The following RUNX3 variants were observed in gnomAD, a reference collection of about 807,000 sequenced individuals.
The protein encoded by RUNX3 is runt-related transcription factor 3.
A neutral mutation model predicts 27.7 loss-of-function variants in RUNX3; 10 were observed. The ratio of observed to expected loss-of-function variants is 0.36; its 90% CI spans 0.22 to 0.61. RUNX3 has a LOEUF of 0.61. RUNX3 is among the 20% of genes least tolerant of loss of function. RUNX3 has a pLI of 0.72. For missense variants in RUNX3, 469 were observed against 629.5 expected (o/e 0.75, Z 2.73); for synonymous variants, 270 against 269.2 (o/e 1.00, Z -0.03).
intron 2 of RUNX3, among the ~76,000 whole-genome samples, chr1:24,964,307 A>G (rs993454428): frequency 6.6e-6 from 1 of 152,158 alleles, no homozygotes; most frequent in African/African-American, 2.4e-5. Flanking sequence ...TGTCCCCACC[A>G]GCGGAGGATG....
At chr1:24,908,896 G>A (rs1411585956) in intron 3 of RUNX3, among the ~76,000 whole-genome samples, 3 of 152,206 alleles carry the variant, frequency 2.0e-5, no homozygotes, top group Non-Finnish European at 4.4e-5. Flanking sequence ...TTCTCTCTGG[G>A]CCTCAGGCAG....
At chr1:24,937,496 A>G (rs1641375067) in intron 2 of RUNX3, among the ~76,000 whole-genome samples, 1 of 152,212 alleles carries the variant, frequency 6.6e-6, no homozygotes, top group Admixed American at 6.5e-5. Flanking sequence ...ATCACCTGAG[A>G]TGAACTTCAG....
rs980988921 is a variant in RUNX3 at position 24,900,305 on chromosome 1, G to C, written c.*1817C>G. ...GAAGGACTGCCTAACCTGCCAGTGTGTCTCTGGTGTATGGTTCTGGCCGTT... is the reference window on the plus strand; with the variant it reads ...GAAGGACTGCCTAACCTGCCAGTGTCTCTCTGGTGTATGGTTCTGGCCGTT... On this transcript the variant is annotated 3_prime_UTR_variant, in exon 5 of 5. Coordinates refer to ENST00000308873, the MANE Select transcript of RUNX3 (RefSeq NM_004350.3). 1.3e-5 allele frequency: 2 copies of C among 152,414 alleles called. No individual in the cohort carries two copies. The highest frequency in any genetic ancestry group is 4.8e-5 in the African/African-American group (2 of 41,470). 9.4% of individuals were successfully genotyped at this position (152,414 alleles called of 1,614,324 possible). A position where few individuals can be genotyped will look rare whatever the true frequency, so the allele number is the denominator to read the frequency against.
At position 24,923,414 on chromosome 1, in the gene RUNX3, C is replaced by T. The variant is rs975433339; in HGVS notation, c.440-4070G>A. ...AAACCCATCCATCCCTCTCTCTCAG[C>T]CTCTAGATATAACTCTGTGCAGGAG... On this transcript the variant is annotated intron_variant, in intron 2 of 4. Coordinates refer to ENST00000308873, the MANE Select transcript of RUNX3 (RefSeq NM_004350.3). This position sits in a 1 kb window ranked among gnomAD's most constrained non-coding sequence, Gnocchi z 5.9. 6.6e-6 allele frequency among the ~76,000 whole-genome samples: 1 copy of T among 152,152 alleles called. No individual in the cohort carries two copies. Among genetic ancestry groups the T allele is most frequent in the Non-Finnish European group, 1.5e-5 (1 of 68,034 alleles).
At position 24,930,097 on chromosome 1, in the gene RUNX3, C is replaced by G. The variant is rs1641188196; in HGVS notation, c.-229G>C. Reference sequence around the variant, plus strand: ...CGCCCGCAGCCTGCCCGGCTAGTCCCGCATCCTCGGCGCGCGGCCCCGCGT... The same window carrying G: ...CGCCCGCAGCCTGCCCGGCTAGTCCGGCATCCTCGGCGCGCGGCCCCGCGT... On this transcript the variant is annotated 5_prime_UTR_variant, in exon 1 of 5. Coordinates refer to ENST00000308873, the MANE Select transcript of RUNX3 (RefSeq NM_004350.3). The surrounding 1 kb of genome is among the most constrained non-coding windows in gnomAD (Gnocchi z 4.1). 1 of 979,986 alleles carries G rather than the reference C, an allele frequency of 1.0e-6. No homozygotes were observed. Among genetic ancestry groups the G allele is most frequent in the African/African-American group, 1.8e-5 (1 of 56,788 alleles). 60.7% of individuals were successfully genotyped at this position (979,986 alleles called of 1,614,324 possible). A position where few individuals can be genotyped will look rare whatever the true frequency, so the allele number is the denominator to read the frequency against.
chr1:24,923,884 C>T lies in RUNX3; in HGVS notation c.439+3690G>A, dbSNP rs1008623912. Among the ~76,000 whole-genome samples the T allele has an allele frequency of 2.0e-5, 3 of 152,180 alleles. No individual in the cohort carries two copies. Among genetic ancestry groups the T allele is most frequent in the Non-Finnish European group, 4.4e-5 (3 of 68,034 alleles). On this transcript the variant is annotated intron_variant, in intron 2 of 4. Coordinates refer to ENST00000308873, the MANE Select transcript of RUNX3 (RefSeq NM_004350.3). This position sits in a 1 kb window ranked among gnomAD's most constrained non-coding sequence, Gnocchi z 5.9. ...CGAGAGCTCATGTGCTTTTCATTTT[C>T]ACTTAGGCCAGTGGCCGCCTGCTAG...
intron 2 of RUNX3, among the ~76,000 whole-genome samples, chr1:24,924,523 T>A (rs1641063366): frequency 6.6e-6 from 1 of 152,022 alleles, no homozygotes; most frequent in South Asian, 2.1e-4. Flanking sequence ...CCAACAGGTG[T>A]TGACAACTTC....
chr1:24,963,884 C>T lies in RUNX3; in HGVS notation c.58+630G>A, dbSNP rs117567313. ...AGCCACCAAAAAAGGCAAAAGCTGC[C>T]CAGAAACACTTTCTCCTCTTCCGTG... On this transcript the variant is annotated intron_variant, in intron 2 of 6. Coordinates refer to the RUNX3 transcript ENST00000338888. Among the ~76,000 whole-genome samples, 178 of 152,320 alleles carry T rather than the reference C, an allele frequency of 1.2e-3. 2 individuals carry two copies. In the East Asian group the frequency reaches 0.032, roughly 27 times the overall value.
At chr1:24,950,293 C>T (rs942206282) in intron 2 of RUNX3, among the ~76,000 whole-genome samples, 11 of 152,164 alleles carry the variant, frequency 7.2e-5, no homozygotes, top group African/African-American at 2.7e-4. Context: ...CACAGATGCT[C>T]AGGGGCCACC....
intron 2 of RUNX3, among the ~76,000 whole-genome samples, chr1:24,924,070 T>C (rs1321776553): frequency 6.6e-6 from 1 of 152,120 alleles, no homozygotes; most frequent in Non-Finnish European, 1.5e-5. Context: ...AAAAACTTGC[T>C]TATAAAAGTT....
intron 2 of RUNX3, among the ~76,000 whole-genome samples, chr1:24,942,637 C>T (rs1387593179): frequency 6.6e-6 from 1 of 152,180 alleles, no homozygotes; most frequent in Non-Finnish European, 1.5e-5. Context: ...ACCCACCTGC[C>T]TTCTCCCCAC....
At chr1:24,911,955 G>C (rs1640804873) in intron 3 of RUNX3, among the ~76,000 whole-genome samples, 1 of 152,204 alleles carries the variant, frequency 6.6e-6, no homozygotes, top group African/African-American at 2.4e-5. Flanking sequence ...TTGTTACTGT[G>C]GAACGCTGGA....
At chr1:24,935,999 C>T (rs1469670958) in intron 2 of RUNX3, among the ~76,000 whole-genome samples, 2 of 152,332 alleles carry the variant, frequency 1.3e-5, no homozygotes, top group African/African-American at 2.4e-5. Flanking sequence ...CTGCTCTCAG[C>T]GCAGAGCTCT....
In RUNX3 at chr1:24,916,713, C is replaced by T. The variant is rs1188220572; in HGVS notation, c.544+2527G>A. Among the ~76,000 whole-genome samples the T allele has an allele frequency of 2.0e-5, 3 of 152,094 alleles. No homozygotes were observed. The highest frequency in any genetic ancestry group is 4.8e-5 in the African/African-American group (2 of 41,394). The stretch of plus-strand genomic sequence containing the variant: ...ATGCCAGGGACAGGAACAGGCAGGT[C>T]CTAAGGATGGGGGACCTAGTAGACT... On this transcript the variant is annotated intron_variant, in intron 3 of 4. Transcript: ENST00000308873. This position sits in a 1 kb window ranked among gnomAD's most constrained non-coding sequence, Gnocchi z 4.8.
At chr1:24,951,245 TGA>T (rs1183061119) in intron 2 of RUNX3, among the ~76,000 whole-genome samples, 2 of 149,484 alleles carry the variant, frequency 1.3e-5, no homozygotes, top group Non-Finnish European at 3.0e-5. Context: ...GGGTGCCTGC[TGA>T]GAGAGAGAGA....
intron 2 of RUNX3, among the ~76,000 whole-genome samples, chr1:24,959,689 C>T (rs1223650760): frequency 1.3e-5 from 2 of 152,176 alleles, no homozygotes; most frequent in East Asian, 3.8e-4. Flanking sequence ...TCTGGGCAGC[C>T]TCCTCCCTGT....
At chr1:24,912,922 G>T (rs564310574) in intron 3 of RUNX3, among the ~76,000 whole-genome samples, 81 of 152,182 alleles carry the variant, frequency 5.3e-4, no homozygotes, top group African/African-American at 1.9e-3. Context: ...CTATCTGCAG[G>T]CCCAGGAGGA....
intron 2 of RUNX3, among the ~76,000 whole-genome samples, chr1:24,959,780 C>T (rs1642054682): frequency 6.6e-6 from 1 of 152,116 alleles, no homozygotes; most frequent in Admixed American, 6.5e-5. Flanking sequence ...CACAGGCCTG[C>T]CTCATACCCA....
intron 3 of RUNX3, 98 bp downstream of exon 3, chr1:24,919,142 C>T: frequency 1.4e-6 from 1 of 699,904 alleles, no homozygotes; most frequent in Admixed American, 2.9e-5. Context: ...GACTGCAACC[C>T]CCCGAGGAGG....
Sources: gnomAD v4.1 joint callset for allele counts (sites outside exome capture counted in the v4.1 genomes callset) on GRCh38, gnomAD v4.1.1 for gene constraint, Gnocchi (gnomAD v3.1) non-coding constraint, MANE v1.5 for transcripts, NCBI Gene and HGNC (gene_info 2026-07-23, HGNC 2026-07-21) for gene names.